PDZRN3: variants seen among roughly 807,000 people sequenced by gnomAD.
PDZRN3 encodes PDZ domain containing ring finger 3, also known as E3 ubiquitin-protein ligase PDZRN3.
Under a neutral mutation model 85.7 loss-of-function variants are expected in PDZRN3, and 38 were observed. The ratio of observed to expected loss-of-function variants is 0.44; its 90% CI spans 0.34 to 0.58. The LOEUF (loss-of-function observed/expected upper bound fraction) is 0.58. Ranked by LOEUF, PDZRN3 falls within the 20% of genes least tolerant of loss-of-function variation. The pLI, the probability that PDZRN3 is intolerant of heterozygous loss-of-function variation, is 0.01. For missense variants in PDZRN3, 1,629 were observed against 1,506.4 expected, an observed-to-expected ratio of 1.08 and a Z score of -1.35; for synonymous variants, 759 against 638.0, an observed-to-expected ratio of 1.19 and a Z score of -2.86.
At chr3:73,479,007 A>G (rs747174359) in intron 3 of PDZRN3, among the ~76,000 whole-genome samples, 3 of 152,224 alleles carry the variant, frequency 2.0e-5, no homozygotes, top group Admixed American at 6.5e-5. Flanking sequence ...TTTTGCACCA[A>G]CCTAATAATT....
At chr3:73,507,819 C>T (rs1460230544) in intron 3 of PDZRN3, among the ~76,000 whole-genome samples, 2 of 152,246 alleles carry the variant, frequency 1.3e-5, no homozygotes, top group East Asian at 3.9e-4. Flanking sequence ...GCTGGCCGGG[C>T]GCAGTGGCTC....
chr3:73,469,798 C>G (rs149162147), intron 3 of PDZRN3, among the ~76,000 whole-genome samples: 1 of 152,234 alleles, frequency 6.6e-6, no homozygotes, highest in Non-Finnish European at 1.5e-5. Context: ...TTACATGGCA[C>G]CCATTTTCTG....
intron 3 of PDZRN3, among the ~76,000 whole-genome samples, chr3:73,585,847 A>T (rs1004671456): frequency 6.6e-6 from 1 of 152,206 alleles, no homozygotes; most frequent in African/African-American, 2.4e-5. Flanking sequence ...AAGGTGACCA[A>T]TGTTAAATAT....
At chr3:73,398,907 A>ATAAG (rs1701693501) in intron 5 of PDZRN3, among the ~76,000 whole-genome samples, 2 of 152,182 alleles carry the variant, frequency 1.3e-5, no homozygotes, top group Admixed American at 1.3e-4. Context: ...CGTAGTTTAA[A>ATAAG]TAAGTTGAGT....
chr3:73,490,197 A>G (rs948631835), intron 3 of PDZRN3, among the ~76,000 whole-genome samples: 1 of 152,200 alleles, frequency 6.6e-6, no homozygotes, highest in African/African-American at 2.4e-5. Context: ...GAAAGGTGGC[A>G]AAAGCAGCAG....
In PDZRN3 at chr3:73,404,335, C is replaced by T. The variant is rs776869591; in HGVS notation, c.979G>A (p.Ala327Thr). 3 of 1,614,188 alleles carry T rather than the reference C, an allele frequency of 1.9e-6. No individual in the cohort carries two copies. The highest frequency in any genetic ancestry group is 2.5e-6 in the Non-Finnish European group (3 of 1,180,030). Residue 327 changes from alanine (A) to threonine (T), a missense_variant, in exon 4 of 10, where the codon GCC (alanine) becomes ACC (threonine). Ala to Thr is a moderately conservative substitution (Grantham distance 58, BLOSUM62 0). Transcript: ENST00000263666. ...HDQAVEAFKT[A>T]KEPIVVQVLR... ...ACCTGCACCACTATGGGCTCCTTGG[C>T]TGTCTTGAAAGCTTCCACAGCCTGG...
chr3:73,463,886 A>G (rs1304028528), intron 3 of PDZRN3, among the ~76,000 whole-genome samples: 2 of 152,190 alleles, frequency 1.3e-5, no homozygotes, highest in Non-Finnish European at 1.5e-5. Context: ...TACAACCCCC[A>G]TGACACATGT....
At chr3:73,460,878 C>G (rs1254563573) in intron 3 of PDZRN3, among the ~76,000 whole-genome samples, 1 of 152,100 alleles carries the variant, frequency 6.6e-6, no homozygotes. Flanking sequence ...ACTGCAACCT[C>G]TGCCTCCCAG....
intron 3 of PDZRN3, among the ~76,000 whole-genome samples, chr3:73,542,097 G>A (rs1704938108): frequency 6.6e-6 from 1 of 152,162 alleles, no homozygotes; most frequent in South Asian, 2.1e-4. Context: ...AACTATTAAT[G>A]GGGTTGCATT....
At chr3:73,393,181 AC>A (rs2106698410) in intron 5 of PDZRN3, among the ~76,000 whole-genome samples, 2 of 152,236 alleles carry the variant, frequency 1.3e-5, no homozygotes, top group East Asian at 3.9e-4. Context: ...TCCACGTGCA[AC>A]CCAAGCAGAG....
At chr3:73,588,369 T>C (rs898555754) in intron 3 of PDZRN3, among the ~76,000 whole-genome samples, 2 of 152,218 alleles carry the variant, frequency 1.3e-5, no homozygotes, top group Non-Finnish European at 2.9e-5. Context: ...ATCTTTACTA[T>C]TGTAAACAGG....
At chr3:73,491,131 C>G (rs2106659830) in intron 3 of PDZRN3, among the ~76,000 whole-genome samples, 1 of 152,360 alleles carries the variant, frequency 6.6e-6, no homozygotes, top group African/African-American at 2.4e-5. Context: ...GCTGCATAAG[C>G]CCTTGTACCA....
At position 73,415,368 on chromosome 3, in the gene PDZRN3, G is replaced by A. The variant is rs576285933; in HGVS notation, c.919-10973C>T. ...GTGAGTGGGGTGCAGACTATCATGCGTTAAGCCTGGAAGCATGGGCAAGGG... is the reference window on the plus strand; with the variant it reads ...GTGAGTGGGGTGCAGACTATCATGCATTAAGCCTGGAAGCATGGGCAAGGG... On this transcript the variant is annotated intron_variant, in intron 3 of 9. Coordinates refer to ENST00000263666, the MANE Select transcript of PDZRN3 (RefSeq NM_015009.3). Among the ~76,000 whole-genome samples, 20 of 152,334 alleles carry A rather than the reference G, an allele frequency of 1.3e-4. No homozygotes were observed. The East Asian group carries it at 3.1e-3, about 23-fold the overall frequency.
chr3:73,502,587 G>C (rs1475762978), intron 3 of PDZRN3, among the ~76,000 whole-genome samples: 11 of 152,262 alleles, frequency 7.2e-5, no homozygotes, highest in Admixed American at 7.2e-4. Flanking sequence ...TACCCATAAG[G>C]CTGCGTGGTC....
intron 3 of PDZRN3, among the ~76,000 whole-genome samples, chr3:73,549,943 C>T (rs1005698318): frequency 1.3e-5 from 2 of 152,202 alleles, no homozygotes; most frequent in African/African-American, 4.8e-5. Flanking sequence ...TCACCTGCCT[C>T]TAATCCATGT....
At chr3:73,499,625 C>A (rs1277590163) in intron 3 of PDZRN3, among the ~76,000 whole-genome samples, 1 of 152,124 alleles carries the variant, frequency 6.6e-6, no homozygotes, top group Non-Finnish European at 1.5e-5. Context: ...GATAAGAAAT[C>A]GATGAAATTT....
chr3:73,547,273 T>C (rs755025144), intron 3 of PDZRN3, among the ~76,000 whole-genome samples: 3 of 152,236 alleles, frequency 2.0e-5, no homozygotes, highest in Non-Finnish European at 4.4e-5. Flanking sequence ...TGGCAGTAGA[T>C]AGTTGTTTTC....
intron 3 of PDZRN3, among the ~76,000 whole-genome samples, chr3:73,517,354 T>C (rs1271280316): frequency 6.6e-6 from 1 of 152,212 alleles, no homozygotes; most frequent in Non-Finnish European, 1.5e-5. Flanking sequence ...AGGTCTTCTT[T>C]CTATGTGAAA....
At chr3:73,480,249 TATA>T (rs1302432759) in intron 3 of PDZRN3, among the ~76,000 whole-genome samples, 1 of 152,188 alleles carries the variant, frequency 6.6e-6, no homozygotes, top group Non-Finnish European at 1.5e-5. Flanking sequence ...GCCAACAGGC[TATA>T]ATGACTGAAA....
Sources: allele counts gnomAD v4.1 joint callset (sites outside exome capture counted in the v4.1 genomes callset), GRCh38; gene constraint gnomAD v4.1.1; transcripts MANE v1.5; gene names NCBI Gene and HGNC (gene_info 2026-07-23, HGNC 2026-07-21).